The following CAST variants were observed in gnomAD, a reference collection of about 807,000 sequenced individuals.
CAST encodes the protein calpastatin, also known as MIR583 host.
A neutral mutation model predicts 119.6 loss-of-function variants in CAST; 76 were observed. The observed-to-expected ratio is 0.64, with a 90% CI of 0.53 to 0.77. CAST has a LOEUF of 0.77. Ranked by LOEUF, CAST falls within the 30% of genes least tolerant of loss-of-function variation. CAST has a pLI of 0.00. For synonymous variants in CAST, 319 were observed against 331.6 expected, an observed-to-expected ratio of 0.96 and a Z score of 0.41; for missense variants, 953 against 946.5, an observed-to-expected ratio of 1.01 and a Z score of -0.09.
chr5:96,299,812 T>A, the CAST span, among the ~76,000 whole-genome samples: 1 of 152,208 alleles, frequency 6.6e-6, no homozygotes, highest in African/African-American at 2.4e-5. Flanking sequence ...GTTGTATATA[T>A]CTTTGAGGTA....
chr5:96,587,340 C>A (rs1042185878), intron 1 of CAST, among the ~76,000 whole-genome samples: 4 of 152,160 alleles, frequency 2.6e-5, no homozygotes, highest in Admixed American at 2.6e-4. Flanking sequence ...CTCCAACATT[C>A]AAGAGTAACA....
the CAST span, among the ~76,000 whole-genome samples, chr5:96,102,406 G>A: frequency 8.5e-5 from 13 of 152,094 alleles, no homozygotes; most frequent in Non-Finnish European, 1.9e-4. Flanking sequence ...ACCTCCAGTC[G>A]AGCCAGTTCT....
the CAST span, among the ~76,000 whole-genome samples, chr5:96,096,526 C>T: frequency 1.3e-5 from 2 of 152,192 alleles, no homozygotes; most frequent in African/African-American, 4.8e-5. Flanking sequence ...TCCTGCTGAA[C>T]AACTGTCATT....
intron 1 of CAST, among the ~76,000 whole-genome samples, chr5:96,653,140 G>A (rs763252507): frequency 6.6e-6 from 1 of 152,224 alleles, no homozygotes. Context: ...TCTACTCTGT[G>A]CCACAGTTAT....
chr5:96,675,511 T>C, intron 1 of CAST, 28 bp from the exon 2 acceptor site: 1 of 1,522,446 alleles, frequency 6.6e-7, no homozygotes, highest in Non-Finnish European at 9.1e-7. Flanking sequence ...TCTTCCTTTA[T>C]TAAGCATTAT....
At chr5:96,616,410 T>C (rs151220027) in intron 1 of CAST, among the ~76,000 whole-genome samples, 7 of 152,268 alleles carry the variant, frequency 4.6e-5, no homozygotes, top group Non-Finnish European at 8.8e-5. Flanking sequence ...ACCAAGTAGG[T>C]TCCTCCTGAC....
the CAST span, chr5:96,432,757 C>G: frequency 1.1e-6 from 1 of 876,442 alleles, no homozygotes; most frequent in Non-Finnish European, 1.9e-6. Context: ...CTTTGCTACT[C>G]TGGGCTCTGG....
chr5:96,695,972 G>C lies in CAST; in HGVS notation c.210+65G>C, dbSNP rs150393731. The C allele has an allele frequency of 1.5e-3, 1,582 of 1,071,544 alleles. 16 individuals carry two copies. In the African/African-American group the frequency reaches 0.022, roughly 15 times the overall value. 66.4% of individuals were successfully genotyped at this position (1,071,544 alleles called of 1,614,324 possible). A position where few individuals can be genotyped will look rare whatever the true frequency, so the allele number is the denominator to read the frequency against. On this transcript the variant is annotated intron_variant, in intron 3 of 31. Coordinates refer to ENST00000675179, the MANE Select transcript of CAST (RefSeq NM_001750.7). ...TCTACAGGGATATGATTAGTGGGTG[G>C]GGCCTGTAGGAATGGCAAACAGTGT...
the CAST span, among the ~76,000 whole-genome samples, chr5:96,403,663 C>T: frequency 6.6e-6 from 1 of 152,170 alleles, no homozygotes; most frequent in Non-Finnish European, 1.5e-5. Context: ...TTAAGCATTG[C>T]TTCTAATTAG....
chr5:96,762,966 C>T (rs1366160470), intron 25 of CAST: 1 of 577,856 alleles, frequency 1.7e-6, no homozygotes, highest in Non-Finnish European at 3.1e-6. Context: ...CTTTTCCAGA[C>T]TTCCTTGACT....
chr5:96,351,370 C>T, the CAST span, among the ~76,000 whole-genome samples: 1 of 151,974 alleles, frequency 6.6e-6, no homozygotes, highest in Non-Finnish European at 1.5e-5. Context: ...AGTTTAAGAA[C>T]CAGTGCATTT....
At chr5:96,131,383 T>G in the CAST span, among the ~76,000 whole-genome samples, 46 of 151,840 alleles carry the variant, frequency 3.0e-4, no homozygotes, top group African/African-American at 1.0e-3. Context: ...CACAGGAGAA[T>G]GGAATGCAGC....
the CAST span, among the ~76,000 whole-genome samples, chr5:96,285,524 A>G: frequency 1.9e-4 from 29 of 152,242 alleles, no homozygotes; most frequent in African/African-American, 6.7e-4. Flanking sequence ...AAAAGGCCCT[A>G]TTTCCCCCAC....
chr5:96,460,427 A>G, the CAST span, among the ~76,000 whole-genome samples: 1 of 152,118 alleles, frequency 6.6e-6, no homozygotes, highest in Non-Finnish European at 1.5e-5. Context: ...TACCTAATGC[A>G]TGCGGGGCTT....
the CAST span, among the ~76,000 whole-genome samples, chr5:96,122,600 G>T: frequency 1.3e-5 from 2 of 152,080 alleles, no homozygotes; most frequent in Non-Finnish European, 2.9e-5. Context: ...GGCTGGAGGT[G>T]GTTCTCTTGC....
chr5:96,073,123 A>T, the CAST span, among the ~76,000 whole-genome samples: 1 of 152,238 alleles, frequency 6.6e-6, no homozygotes, highest in Non-Finnish European at 1.5e-5. Flanking sequence ...TATCCCTTTG[A>T]TGCCAGATAA....
the CAST span, among the ~76,000 whole-genome samples, chr5:96,181,685 A>C: frequency 6.6e-6 from 1 of 152,200 alleles, no homozygotes; most frequent in South Asian, 2.1e-4. Flanking sequence ...CATTTTTCAC[A>C]ATATTTGGTT....
At chr5:96,169,768 A>C in the CAST span, among the ~76,000 whole-genome samples, 1 of 152,096 alleles carries the variant, frequency 6.6e-6, no homozygotes, top group Non-Finnish European at 1.5e-5. Flanking sequence ...GATGTCAAGG[A>C]GGCTTTGAAT....
At chr5:95,963,972 A>G in the CAST span, among the ~76,000 whole-genome samples, 1 of 152,162 alleles carries the variant, frequency 6.6e-6, no homozygotes, top group Non-Finnish European at 1.5e-5. Context: ...TAGTTTTCAA[A>G]TATCTGACCT....
Sources: gnomAD v4.1 joint callset for allele counts (sites outside exome capture counted in the v4.1 genomes callset) on GRCh38, gnomAD v4.1.1 for gene constraint, MANE v1.5 for transcripts, NCBI Gene and HGNC (gene_info 2026-07-23, HGNC 2026-07-21) for gene names.